Variants in COL9A3 observed in about 807,000 individuals in gnomAD.
COL9A3 encodes the protein collagen type IX alpha 3 chain.
A neutral mutation model predicts 110.2 loss-of-function variants in COL9A3; 82 were observed. The observed-to-expected ratio is 0.74, with a 90% CI of 0.62 to 0.89. The LOEUF (loss-of-function observed/expected upper bound fraction) is 0.89. COL9A3 is among the 40% of genes least tolerant of loss of function. The pLI is 0.00. For missense variants in COL9A3, 1,066 were observed against 981.3 expected, an observed-to-expected ratio of 1.09 and a Z score of -1.15; for synonymous variants, 494 against 403.8, an observed-to-expected ratio of 1.22 and a Z score of -2.68.
In COL9A3 at chr20:62,817,518, C is replaced by T. The variant is rs762762216; in HGVS notation, c.79-49C>T. 19 of 1,341,650 alleles carry T rather than the reference C, an allele frequency of 1.4e-5. No individual in the cohort carries two copies. In the South Asian group the frequency reaches 1.9e-4, roughly 13 times the overall value. The allele number at this position is 1,341,650 out of a possible 1,614,324, so 83.1% of individuals were successfully genotyped here. A position where few individuals can be genotyped will look rare whatever the true frequency, so the allele number is the denominator to read the frequency against. Reference sequence around the variant, plus strand: ...GACCCGGGAGGAGGGGACGCCGGGTCAGGCCCACGGGGGCACCTGCGCTCC... The same window carrying T: ...GACCCGGGAGGAGGGGACGCCGGGTTAGGCCCACGGGGGCACCTGCGCTCC... On this transcript the variant is annotated intron_variant, in intron 1 of 31. Coordinates refer to ENST00000649368, the MANE Select transcript of COL9A3 (RefSeq NM_001853.4).
chr20:62,828,026 A>T lies in COL9A3; in HGVS notation c.900+50A>T. The T allele has an allele frequency of 2.5e-6, 4 of 1,593,284 alleles. No homozygotes were observed. The South Asian group carries it at 4.4e-5, about 18-fold the overall frequency. ...AATGCTCCTCCCCCGGGTCCTGGGT[A>T]TGTACAGGTGGAGATGGCATTCAGA... On this transcript the variant is annotated intron_variant, in intron 17 of 31. Transcript: ENST00000649368.
chr20:62,837,014 A>G (rs1234678388), intron 29 of COL9A3, 69 bp from the exon 30 acceptor site: 24 of 1,574,648 alleles, frequency 1.5e-5, no homozygotes, highest in South Asian at 3.3e-5. Context: ...TAGATATTTT[A>G]TGCTTTACGT....
At chr20:62,830,333 C>T (rs770924728) in intron 22 of COL9A3, 27 bp from the exon 23 acceptor site, 18 of 1,561,078 alleles carry the variant, frequency 1.2e-5, no homozygotes, top group Middle Eastern at 1.7e-4. Context: ...CTGAGACATC[C>T]GCTCACACCT....
intron 19 of COL9A3, among the ~76,000 whole-genome samples, 154 bp from the exon 20 acceptor site, chr20:62,829,301 G>C (rs2734524): frequency 6.6e-6 from 1 of 152,224 alleles, no homozygotes; most frequent in Non-Finnish European, 1.5e-5. Context: ...GGCTGTCAAA[G>C]CCGCACCTCA....
rs1025835064 is a variant in COL9A3, at chr20:62,827,819, C to T, written c.847-104C>T. 1.8e-5 allele frequency: 23 copies of T among 1,280,432 alleles called. 1 individual carries two copies. The South Asian group carries it at 2.6e-4, about 15-fold the overall frequency. 79.3% of individuals were successfully genotyped at this position (1,280,432 alleles called of 1,614,324 possible). ...TGGTGGTCGGGGGTGGCCCCTGCCG[C>T]TGCCCACCATAGCTCCTTGGTGTCC... On this transcript the variant is annotated intron_variant, in intron 16 of 31. Coordinates refer to ENST00000649368, the MANE Select transcript of COL9A3 (RefSeq NM_001853.4).
intron 26 of COL9A3, among the ~76,000 whole-genome samples, chr20:62,833,579 A>G (rs1319848261): frequency 6.6e-6 from 1 of 150,386 alleles, no homozygotes; most frequent in East Asian, 2.0e-4. Flanking sequence ...AATTTTTTGT[A>G]TTTTTAGTAG....
In COL9A3 at chr20:62,836,774, C is replaced by T. The variant is rs564072959; in HGVS notation, c.1603+242C>T. ...CAGATTCCCAGCACGCAGCAGACGCCCTAAAGCCTGCTGAATGCAATGGGT... is the reference window on the plus strand; with the variant it reads ...CAGATTCCCAGCACGCAGCAGACGCTCTAAAGCCTGCTGAATGCAATGGGT... On this transcript the variant is annotated intron_variant, in intron 29 of 31. Coordinates refer to ENST00000649368, the MANE Select transcript of COL9A3 (RefSeq NM_001853.4). 2.2e-3 allele frequency: 1,365 copies of T among 624,770 alleles called. 6 individuals are homozygous for T. Among genetic ancestry groups the T allele is most frequent in the Non-Finnish European group, 2.9e-3 (1,021 of 358,214 alleles). 38.7% of individuals were successfully genotyped at this position (624,770 alleles called of 1,614,324 possible).
chr20:62,828,053 G>A (rs2063568615), intron 17 of COL9A3, 77 bp downstream of exon 17: 1 of 1,487,558 alleles, frequency 6.7e-7, no homozygotes. Context: ...GCATTCAGAA[G>A]GGCTGGAGCT....
In COL9A3 at chr20:62,840,835, C is replaced by T; in HGVS notation, c.*103C>T. 7.3e-7 allele frequency: 1 copy of T among 1,362,320 alleles called. No homozygotes were observed. The highest frequency in any genetic ancestry group is 1.0e-6 in the Non-Finnish European group (1 of 979,278). The allele number at this position is 1,362,320 out of a possible 1,614,324, so 84.4% of individuals were successfully genotyped here. A position where few individuals can be genotyped will look rare whatever the true frequency, so the allele number is the denominator to read the frequency against. ...CGGGTGACGTCCAGGAGAGGGAGCG[C>T]CCCTGGCTGCCCCTCGGCCGCCGAC... On this transcript the variant is annotated 3_prime_UTR_variant, in exon 32 of 32. Coordinates refer to ENST00000649368, the MANE Select transcript of COL9A3 (RefSeq NM_001853.4).
chr20:62,826,758 C>A lies in COL9A3; in HGVS notation c.739-9C>A. 1 of 1,612,652 alleles carries A rather than the reference C, an allele frequency of 6.2e-7. No homozygotes were observed. The highest frequency in any genetic ancestry group is 8.5e-7 in the Non-Finnish European group (1 of 1,179,896). On this transcript the variant is annotated splice_polypyrimidine_tract_variant and intron_variant, in intron 14 of 31. Transcript: ENST00000649368. ...CAAGAGGACCCCGGATCCCCTCTCT[C>A]CTCTGCAGGGTCCCATTGGGTTCCG...
intron 2 of COL9A3, 115 bp downstream of exon 2, chr20:62,817,750 G>A: frequency 2.7e-6 from 2 of 734,488 alleles, no homozygotes; most frequent in African/African-American, 1.8e-5. Flanking sequence ...CCCAGAGCCG[G>A]GGTGACATCA....
At chr20:62,829,596 G>A (rs368160865) in intron 20 of COL9A3, 32 bp from the exon 21 acceptor site, 80 of 1,610,396 alleles carry the variant, frequency 5.0e-5, no homozygotes, top group Non-Finnish European at 6.6e-5. Context: ...TGCAGGTGTA[G>A]GCAGGCACTC....
chr20:62,825,573 A>G (rs912748681), intron 12 of COL9A3: 12 of 597,196 alleles, frequency 2.0e-5, no homozygotes, highest in Non-Finnish European at 3.6e-5. Context: ...AGGGGCCTGG[A>G]CAGGGCTGAA....
At chr20:62,826,437 G>A (rs867294277) in intron 14 of COL9A3, among the ~76,000 whole-genome samples, 180 bp downstream of exon 14, 3 of 152,220 alleles carry the variant, frequency 2.0e-5, no homozygotes, top group Non-Finnish European at 4.4e-5. Flanking sequence ...GTGCCTGGGC[G>A]AGAGCTGACA....
chr20:62,828,651 G>A (rs1326888474), intron 17 of COL9A3, 113 bp from the exon 18 acceptor site: 2 of 1,208,198 alleles, frequency 1.7e-6, no homozygotes, highest in Admixed American at 1.9e-5. Context: ...GCCAGGGTGT[G>A]GGGGCAGACA....
chr20:62,830,635 A>T, intron 24 of COL9A3, 47 bp downstream of exon 24: 2 of 953,626 alleles, frequency 2.1e-6, no homozygotes, highest in African/African-American at 4.4e-5. Flanking sequence ...CCCTCTACCC[A>T]TGTACCACAG....
Position 62,827,996 on chromosome 20 carries a change from C to T in COL9A3, c.900+20C>T. The T allele has an allele frequency of 6.2e-7, 1 of 1,612,638 alleles. No individual in the cohort carries two copies. The highest frequency in any genetic ancestry group is 8.5e-7 in the Non-Finnish European group (1 of 1,179,858). ...GAGCCGGTGAGTGCACGTGGCTGCTCATGGAATGCTCCTCCCCCGGGTCCT... is the reference window on the plus strand; with the variant it reads ...GAGCCGGTGAGTGCACGTGGCTGCTTATGGAATGCTCCTCCCCCGGGTCCT... On this transcript the variant is annotated intron_variant, in intron 17 of 31. Transcript: ENST00000649368.
chr20:62,822,556 G>A (rs1178890088), intron 9 of COL9A3, 35 bp from the exon 10 acceptor site: 1 of 1,610,898 alleles, frequency 6.2e-7, no homozygotes, highest in Non-Finnish European at 8.5e-7. Flanking sequence ...GGCTGGGGAG[G>A]GCGGGAGAAT....
At chr20:62,832,273 C>T (rs1324521048) in intron 25 of COL9A3, 84 bp downstream of exon 25, 16 of 1,424,292 alleles carry the variant, frequency 1.1e-5, no homozygotes, top group Admixed American at 5.2e-5. Context: ...CGGCTCTGGC[C>T]CTGGCTGTGT....
Sources: gnomAD v4.1 joint callset for allele counts (sites outside exome capture counted in the v4.1 genomes callset) on GRCh38, gnomAD v4.1.1 for gene constraint, MANE v1.5 for transcripts, NCBI Gene and HGNC (gene_info 2026-07-23, HGNC 2026-07-21) for gene names.